The following NPAS3 variants were observed in gnomAD, a reference collection of about 807,000 sequenced individuals.
NPAS3 encodes neuronal PAS domain-containing protein 3.
NPAS3 carries 14 observed loss-of-function variants against 73.1 expected under a neutral mutation model. The ratio of observed to expected loss-of-function variants is 0.19; its 90% CI spans 0.13 to 0.30. The LOEUF is 0.30. NPAS3 is among the 10% of genes least tolerant of loss of function. The pLI, the probability that NPAS3 is intolerant of heterozygous loss-of-function variation, is 1.00. For synonymous variants in NPAS3, 620 were observed against 541.5 expected (o/e 1.14, Z -2.01); for missense variants, 1,096 against 1,250.0 (o/e 0.88, Z 1.86).
chr14:33,079,325 CTTTTT>C (rs772885846), intron 2 of NPAS3, among the ~76,000 whole-genome samples: 1 of 132,300 alleles, frequency 7.6e-6, no homozygotes, highest in Admixed American at 7.6e-5. Flanking sequence ...TTTCTTTTTC[CTTTTT>C]TTTTTTGAGA....
At chr14:33,129,592 A>T in intron 2 of NPAS3, among the ~76,000 whole-genome samples, 1 of 152,168 alleles carries the variant, frequency 6.6e-6, no homozygotes, top group East Asian at 1.9e-4. Context: ...GATAGTTTGT[A>T]TCTTCCACAC....
At chr14:32,944,720 A>G (rs2036181851) in intron 1 of NPAS3, among the ~76,000 whole-genome samples, 1 of 152,246 alleles carries the variant, frequency 6.6e-6, no homozygotes, top group South Asian at 2.1e-4. Context: ...CAATGCATAA[A>G]CAGGACATGG....
At chr14:33,080,731 G>A (rs6571580) in intron 2 of NPAS3, among the ~76,000 whole-genome samples, 43,108 of 152,114 alleles carry the variant, frequency 0.28, 6,243 homozygotes, top group South Asian at 0.39. Flanking sequence ...ATGCCAGAGA[G>A]CATTGTTGCG....
At chr14:33,732,965 G>A (rs930170972) in intron 6 of NPAS3, among the ~76,000 whole-genome samples, 5 of 152,170 alleles carry the variant, frequency 3.3e-5, no homozygotes, top group African/African-American at 1.2e-4. Context: ...AGAAAACAAT[G>A]ATTTCTCACA....
intron 6 of NPAS3, among the ~76,000 whole-genome samples, chr14:33,683,592 G>C (rs1353717698): frequency 6.6e-6 from 1 of 152,132 alleles, no homozygotes; most frequent in Non-Finnish European, 1.5e-5. Context: ...ATACCACTCT[G>C]AATTCTTCAT....
At chr14:33,270,499 G>A (rs1425973372) in intron 3 of NPAS3, among the ~76,000 whole-genome samples, 1 of 152,134 alleles carries the variant, frequency 6.6e-6, no homozygotes, top group Non-Finnish European at 1.5e-5. Flanking sequence ...GAGGGAGAAG[G>A]AGGGAGAGAG....
chr14:33,679,323 A>G (rs1475301253), intron 6 of NPAS3, among the ~76,000 whole-genome samples: 1 of 152,270 alleles, frequency 6.6e-6, no homozygotes, highest in Non-Finnish European at 1.5e-5. Flanking sequence ...ACTGAAAAGC[A>G]GTGTAGGGTG....
intron 3 of NPAS3, among the ~76,000 whole-genome samples, chr14:33,359,993 C>T (rs116045315): frequency 0.014 from 2,078 of 152,252 alleles, 53 homozygotes; most frequent in African/African-American, 0.047. Context: ...AGCAGAGCAC[C>T]TTCTTACGTC....
chr14:33,631,567 C>T (rs1451821137), intron 5 of NPAS3, among the ~76,000 whole-genome samples: 1 of 152,138 alleles, frequency 6.6e-6, no homozygotes, highest in Non-Finnish European at 1.5e-5. Flanking sequence ...CAGTTTCTCC[C>T]ACATTAAAGA....
intron 5 of NPAS3, among the ~76,000 whole-genome samples, chr14:33,610,598 T>G (rs909173708): frequency 3.9e-5 from 6 of 152,240 alleles, no homozygotes; most frequent in African/African-American, 1.4e-4. Flanking sequence ...ATGAAACTCT[T>G]GGTTGTTCAT....
chr14:33,488,289 G>T (rs1566944960), intron 4 of NPAS3, among the ~76,000 whole-genome samples: 1 of 151,920 alleles, frequency 6.6e-6, no homozygotes, highest in Non-Finnish European at 1.5e-5. Flanking sequence ...TGAACAAGCA[G>T]GAAGGTGGCA....
intron 5 of NPAS3, among the ~76,000 whole-genome samples, chr14:33,583,856 T>C (rs2056767905): frequency 6.6e-6 from 1 of 152,190 alleles, no homozygotes; most frequent in Non-Finnish European, 1.5e-5. Flanking sequence ...TGAGAATGGT[T>C]AGAAAAATGT....
intron 2 of NPAS3, among the ~76,000 whole-genome samples, chr14:33,066,845 G>A (rs1163375068): frequency 2.0e-5 from 3 of 152,176 alleles, no homozygotes; most frequent in Non-Finnish European, 4.4e-5. Context: ...CTACTTCTGT[G>A]TTGGCTGGTT....
intron 5 of NPAS3, among the ~76,000 whole-genome samples, chr14:33,657,959 A>T (rs1292248034): frequency 2.6e-5 from 4 of 152,150 alleles, no homozygotes; most frequent in African/African-American, 9.7e-5. Flanking sequence ...ACGCTCCTCG[A>T]AGCTCCTACA....
At chr14:33,489,286 A>G (rs1482053022) in intron 4 of NPAS3, among the ~76,000 whole-genome samples, 1 of 152,184 alleles carries the variant, frequency 6.6e-6, no homozygotes, top group East Asian at 1.9e-4. Context: ...TGTTTCCATG[A>G]CATCAGACTT....
At chr14:33,488,222 G>A (rs529680111) in intron 4 of NPAS3, among the ~76,000 whole-genome samples, 3 of 152,196 alleles carry the variant, frequency 2.0e-5, no homozygotes, top group East Asian at 3.9e-4. Flanking sequence ...GTCTAAAGGT[G>A]AAGAGATGCT....
At chr14:33,684,410 C>T (rs1327295437) in intron 6 of NPAS3, among the ~76,000 whole-genome samples, 2 of 152,038 alleles carry the variant, frequency 1.3e-5, no homozygotes, top group African/African-American at 4.8e-5. Context: ...CTCTCGGGCT[C>T]AAGTGATTCT....
At chr14:33,328,340 C>A (rs2043802757) in intron 3 of NPAS3, among the ~76,000 whole-genome samples, 1 of 146,568 alleles carries the variant, frequency 6.8e-6, no homozygotes, top group African/African-American at 2.5e-5. Context: ...TTAGGCTTAT[C>A]TTCGTATTCT....
At chr14:33,424,478 A>T (rs898320939) in intron 4 of NPAS3, among the ~76,000 whole-genome samples, 3 of 151,944 alleles carry the variant, frequency 2.0e-5, no homozygotes, top group Admixed American at 2.0e-4. Flanking sequence ...GCAAGCCTGG[A>T]GGTCAGGGCA....
Sources: allele counts gnomAD v4.1 joint callset (sites outside exome capture counted in the v4.1 genomes callset), GRCh38; gene constraint gnomAD v4.1.1; transcripts MANE v1.5; gene names NCBI Gene and HGNC (gene_info 2026-07-23, HGNC 2026-07-21).